Variants in CAMK1D observed in about 807,000 individuals in gnomAD.
The protein encoded by CAMK1D is calcium/calmodulin-dependent protein kinase type 1D.
A neutral mutation model predicts 47.7 loss-of-function variants in CAMK1D; 9 were observed. The observed-to-expected ratio is 0.19, with a 90% CI of 0.11 to 0.33. The LOEUF is 0.33. Ranked by LOEUF, CAMK1D falls within the 10% of genes least tolerant of loss-of-function variation. CAMK1D has a pLI of 1.00. For synonymous variants in CAMK1D, 184 were observed against 184.9 expected, an observed-to-expected ratio of 0.99 and a Z score of 0.04; for missense variants, 291 against 488.7, an observed-to-expected ratio of 0.60 and a Z score of 3.81.
chr10:12,473,749 G>A (rs148294231), intron 1 of CAMK1D, among the ~76,000 whole-genome samples: 25 of 152,260 alleles, frequency 1.6e-4, no homozygotes, highest in African/African-American at 6.0e-4. Flanking sequence ...TTGATCCTGC[G>A]AGCATTGCAG....
chr10:12,379,009 C>T (rs1264864523), intron 1 of CAMK1D, among the ~76,000 whole-genome samples: 1 of 152,002 alleles, frequency 6.6e-6, no homozygotes, highest in African/African-American at 2.4e-5. Context: ...AAGGTTTCAC[C>T]ATATTGGTCA....
At chr10:12,828,705 A>T (rs1833348572) in intron 10 of CAMK1D, 64 bp from the exon 11 acceptor site, 4 of 1,243,968 alleles carry the variant, frequency 3.2e-6, no homozygotes, top group East Asian at 2.5e-5. Flanking sequence ...GACACCTGGC[A>T]GTGGGAAGCA....
At chr10:12,543,299 T>G (rs540105641) in intron 1 of CAMK1D, among the ~76,000 whole-genome samples, 57 of 152,340 alleles carry the variant, frequency 3.7e-4, no homozygotes, top group African/African-American at 1.3e-3. Context: ...TCTAACCGCC[T>G]TGGCCTCCCA....
chr10:12,796,336 G>A (rs572691998), intron 6 of CAMK1D, among the ~76,000 whole-genome samples: 46 of 152,268 alleles, frequency 3.0e-4, no homozygotes, highest in African/African-American at 9.4e-4. Flanking sequence ...GCAAAACGCT[G>A]ATGGTACTCC....
At chr10:12,825,991 G>T (rs990433460) in intron 10 of CAMK1D, 1 of 355,878 alleles carries the variant, frequency 2.8e-6, no homozygotes, top group African/African-American at 2.1e-5. Flanking sequence ...ATAAAAATTA[G>T]CCGGGTGTGG....
At chr10:12,642,076 G>T (rs1422294623) in intron 2 of CAMK1D, among the ~76,000 whole-genome samples, 2 of 151,566 alleles carry the variant, frequency 1.3e-5, no homozygotes, top group Non-Finnish European at 2.9e-5. Flanking sequence ...AGAAAAGGCC[G>T]CAGGCTTTTG....
intron 1 of CAMK1D, among the ~76,000 whole-genome samples, chr10:12,495,066 C>T (rs923972154): frequency 2.3e-4 from 35 of 152,176 alleles, no homozygotes; most frequent in African/African-American, 6.8e-4. Flanking sequence ...CTATCAAAAT[C>T]GTTCAATTAA....
chr10:12,757,958 TCTC>T (rs1836313277), intron 3 of CAMK1D, among the ~76,000 whole-genome samples: 1 of 151,488 alleles, frequency 6.6e-6, no homozygotes, highest in Non-Finnish European at 1.5e-5. Context: ...TTCAAGCAGT[TCTC>T]CTGCTTCAGC....
At chr10:12,546,401 A>G (rs936166649) in intron 1 of CAMK1D, among the ~76,000 whole-genome samples, 2 of 152,174 alleles carry the variant, frequency 1.3e-5, no homozygotes, top group African/African-American at 4.8e-5. Flanking sequence ...AGGTTTCTAG[A>G]CCACATTACT....
intron 2 of CAMK1D, among the ~76,000 whole-genome samples, chr10:12,617,876 A>C (rs1451517106): frequency 6.6e-6 from 1 of 152,198 alleles, no homozygotes; most frequent in African/African-American, 2.4e-5. Flanking sequence ...TGAAACGTGA[A>C]GTGGTATGCT....
intron 3 of CAMK1D, among the ~76,000 whole-genome samples, chr10:12,734,847 G>A (rs1241424017): frequency 6.6e-6 from 1 of 152,102 alleles, no homozygotes; most frequent in Non-Finnish European, 1.5e-5. Flanking sequence ...CAACAGAGTT[G>A]GGCAGAAAAA....
chr10:12,744,500 C>CT (rs1835575441), intron 3 of CAMK1D, among the ~76,000 whole-genome samples: 2 of 152,172 alleles, frequency 1.3e-5, no homozygotes, highest in Admixed American at 6.5e-5. Flanking sequence ...CATTATTTTC[C>CT]TTTTTGCTGT....
chr10:12,514,758 CAAT>C (rs1267789564), intron 1 of CAMK1D, among the ~76,000 whole-genome samples: 1 of 152,380 alleles, frequency 6.6e-6, no homozygotes, highest in South Asian at 2.1e-4. Flanking sequence ...TTTCCCCACT[CAAT>C]AAGAAGTGTC....
In CAMK1D at chr10:12,349,682, G is replaced by T; in HGVS notation, c.-137G>T. 5.9e-6 allele frequency: 1 copy of T among 168,242 alleles called. No homozygotes were observed. The highest frequency in any genetic ancestry group is 1.7e-4 in the South Asian group (1 of 5,758). The allele number at this position is 168,242 out of a possible 1,614,324, so 10.4% of individuals were successfully genotyped here. A position where few individuals can be genotyped will look rare whatever the true frequency, so the allele number is the denominator to read the frequency against. On this transcript the variant is annotated 5_prime_UTR_variant, in exon 1 of 11. Coordinates refer to ENST00000619168, the MANE Select transcript of CAMK1D (RefSeq NM_153498.4). ...CGCGGCGGCGGCGGCGAGAGCGAAA[G>T]AGGAAACTGCAGAGGAGGAAGCTGC...
chr10:12,757,852 CTTTTTTTTT>C (rs869125453), intron 3 of CAMK1D, among the ~76,000 whole-genome samples: 1 of 91,458 alleles, frequency 1.1e-5, no homozygotes, highest in Non-Finnish European at 2.1e-5. Flanking sequence ...GGGCCCTGCT[CTTTTTTTTT>C]TTTTTTTTTT....
intron 3 of CAMK1D, among the ~76,000 whole-genome samples, chr10:12,703,753 C>T (rs139803386): frequency 0.021 from 3,117 of 152,046 alleles, 97 homozygotes; most frequent in African/African-American, 0.066. Flanking sequence ...CCTGTAGTCC[C>T]AGCTACTCAG....
intron 1 of CAMK1D, 81 bp from the exon 2 acceptor site, chr10:12,553,144 A>AG: frequency 1.2e-6 from 2 of 1,601,312 alleles, no homozygotes; most frequent in South Asian, 2.2e-5. Context: ...GTTTACTCAA[A>AG]CTTCGGTGGT....
chr10:12,372,833 C>T (rs1838043776), intron 1 of CAMK1D, among the ~76,000 whole-genome samples: 1 of 152,150 alleles, frequency 6.6e-6, no homozygotes, highest in Admixed American at 6.6e-5. Context: ...GTCTCACTGT[C>T]TTTCCCAGGC....
intron 5 of CAMK1D, among the ~76,000 whole-genome samples, chr10:12,782,247 T>C (rs1487491361): frequency 6.6e-6 from 1 of 152,224 alleles, no homozygotes; most frequent in African/African-American, 2.4e-5. Flanking sequence ...AGCAGCTGTT[T>C]ATCAAGATGC....
Sources: gnomAD v4.1 joint callset for allele counts (sites outside exome capture counted in the v4.1 genomes callset) on GRCh38, gnomAD v4.1.1 for gene constraint, MANE v1.5 for transcripts, NCBI Gene and HGNC (gene_info 2026-07-23, HGNC 2026-07-21) for gene names.